The following FSTL5 variants were observed in gnomAD, a reference collection of about 807,000 sequenced individuals.
FSTL5 encodes the protein follistatin like 5.
FSTL5 carries 62 observed loss-of-function variants against 89.1 expected under a neutral mutation model. The ratio of observed to expected loss-of-function variants is 0.70; its 90% CI spans 0.57 to 0.86. The LOEUF (loss-of-function observed/expected upper bound fraction) is 0.86. FSTL5 is among the 40% of genes least tolerant of loss of function. The probability of loss-of-function intolerance (pLI) is 0.00; values close to 1 mark genes in which losing one functional copy is unlikely to be tolerated. For missense variants in FSTL5, 1,057 were observed against 1,001.6 expected, an observed-to-expected ratio of 1.06 and a Z score of -0.75; for synonymous variants, 383 against 346.2, an observed-to-expected ratio of 1.11 and a Z score of -1.18.
At chr4:161,521,614 C>T (rs1020027755) in intron 10 of FSTL5, among the ~76,000 whole-genome samples, 1 of 151,742 alleles carries the variant, frequency 6.6e-6, no homozygotes, top group Non-Finnish European at 1.5e-5. Context: ...TTTGAGAAGC[C>T]GAGGCGGGCA....
chr4:161,784,048 G>T (rs1741792851), intron 4 of FSTL5, among the ~76,000 whole-genome samples: 1 of 151,618 alleles, frequency 6.6e-6, no homozygotes, highest in African/African-American at 2.4e-5. Context: ...CTATTCCCCT[G>T]CCTCAGCCTC....
intron 1 of FSTL5, among the ~76,000 whole-genome samples, chr4:162,137,530 C>T (rs982180931): frequency 6.6e-5 from 10 of 152,078 alleles, no homozygotes; most frequent in Admixed American, 6.6e-4. Context: ...CCCCTCACTA[C>T]AGGATTTCTT....
intron 3 of FSTL5, among the ~76,000 whole-genome samples, chr4:161,960,296 A>G (rs1735141655): frequency 6.6e-6 from 1 of 151,086 alleles, no homozygotes; most frequent in Non-Finnish European, 1.5e-5. Context: ...TCTTCCAAGT[A>G]GCTAGGATTA....
intron 1 of FSTL5, among the ~76,000 whole-genome samples, chr4:162,113,781 A>G (rs1731535760): frequency 6.6e-6 from 1 of 152,058 alleles, no homozygotes; most frequent in African/African-American, 2.4e-5. Context: ...CACATCAGAC[A>G]TTTCTCTCAA....
chr4:161,663,479 A>G (rs553375691), intron 6 of FSTL5, among the ~76,000 whole-genome samples: 31 of 152,266 alleles, frequency 2.0e-4, no homozygotes, highest in African/African-American at 7.0e-4. Flanking sequence ...CACATTTTAA[A>G]GCTCCAAAAT....
At chr4:162,054,754 A>G (rs1265170007) in intron 2 of FSTL5, among the ~76,000 whole-genome samples, 1 of 151,764 alleles carries the variant, frequency 6.6e-6, no homozygotes, top group African/African-American at 2.4e-5. Flanking sequence ...TTGAAGACAA[A>G]GGAGTATCTT....
chr4:161,892,276 T>G (rs1428473956), intron 4 of FSTL5, among the ~76,000 whole-genome samples: 1 of 151,998 alleles, frequency 6.6e-6, no homozygotes, highest in Admixed American at 6.6e-5. Context: ...CCCTTCTTAG[T>G]GACAGTCCCA....
At chr4:161,837,975 G>A (rs1469005504) in intron 4 of FSTL5, among the ~76,000 whole-genome samples, 1 of 151,946 alleles carries the variant, frequency 6.6e-6, no homozygotes, top group East Asian at 1.9e-4. Context: ...TTGACTTAAC[G>A]GGCTTCTATG....
intron 4 of FSTL5, among the ~76,000 whole-genome samples, chr4:161,911,693 G>C (rs1362617947): frequency 6.6e-6 from 1 of 152,100 alleles, no homozygotes; most frequent in Non-Finnish European, 1.5e-5. Flanking sequence ...ATAATTTCTA[G>C]CTAGATGATA....
chr4:161,503,215 TCA>T (rs1730362018), intron 11 of FSTL5, among the ~76,000 whole-genome samples: 1 of 151,802 alleles, frequency 6.6e-6, no homozygotes, highest in Admixed American at 6.6e-5. Flanking sequence ...GCAGAGTAAC[TCA>T]CACACAGCAA....
At chr4:161,743,593 G>T (rs557622043) in intron 6 of FSTL5, among the ~76,000 whole-genome samples, 1 of 151,930 alleles carries the variant, frequency 6.6e-6, no homozygotes, top group African/African-American at 2.4e-5. Flanking sequence ...AACACTATTA[G>T]GATATTGATA....
chr4:161,419,607 AAT>A (rs1731913253), intron 15 of FSTL5, among the ~76,000 whole-genome samples: 3 of 152,156 alleles, frequency 2.0e-5, no homozygotes, highest in Admixed American at 6.5e-5. Context: ...CACAACCAGT[AAT>A]GACACTTTTC....
In FSTL5 at chr4:161,677,026, G is replaced by C. The variant is rs1054791507; in HGVS notation, c.728-20532C>G. On this transcript the variant is annotated intron_variant, in intron 6 of 15. Transcript: ENST00000306100. ...ATATTTTTACTGAATGAATCTATAT[G>C]TACAATTCCCCTTTCTTTCTTCATG... Among the ~76,000 whole-genome samples, 82 of 151,938 alleles carry C rather than the reference G, an allele frequency of 5.4e-4. 1 individual carries two copies. The highest frequency in any genetic ancestry group is 2.0e-3 in the African/African-American group (81 of 41,506).
chr4:161,965,472 T>G (rs1735296097), intron 3 of FSTL5, among the ~76,000 whole-genome samples: 1 of 152,116 alleles, frequency 6.6e-6, no homozygotes, highest in Non-Finnish European at 1.5e-5. Flanking sequence ...ATGTAATCAT[T>G]TATTCATTTA....
At chr4:162,067,077 C>T (rs1263565993) in intron 2 of FSTL5, among the ~76,000 whole-genome samples, 1 of 152,028 alleles carries the variant, frequency 6.6e-6, no homozygotes, top group Non-Finnish European at 1.5e-5. Context: ...GTTCTGTCAC[C>T]CAGGCTGGAG....
chr4:161,710,822 A>T (rs1272878744), intron 6 of FSTL5, among the ~76,000 whole-genome samples: 1 of 152,214 alleles, frequency 6.6e-6, no homozygotes, highest in East Asian at 1.9e-4. Context: ...GCCTTAGAAC[A>T]ATCAATAACT....
chr4:162,100,170 A>C (rs1730935312), intron 2 of FSTL5, among the ~76,000 whole-genome samples: 1 of 152,238 alleles, frequency 6.6e-6, no homozygotes, highest in African/African-American at 2.4e-5. Flanking sequence ...AGCAACCAAG[A>C]TGTTCTTCAG....
intron 1 of FSTL5, among the ~76,000 whole-genome samples, chr4:162,137,329 G>C (rs1407282893): frequency 1.3e-5 from 2 of 152,010 alleles, no homozygotes; most frequent in Non-Finnish European, 2.9e-5. Context: ...AAAATCTAAA[G>C]ACTGCCTAGT....
At chr4:161,732,436 T>G (rs1248937860) in intron 6 of FSTL5, among the ~76,000 whole-genome samples, 1 of 152,038 alleles carries the variant, frequency 6.6e-6, no homozygotes, top group Non-Finnish European at 1.5e-5. Flanking sequence ...TGTGTTCTCA[T>G]TCTATGGGGG....
Sources: allele counts gnomAD v4.1 joint callset (sites outside exome capture counted in the v4.1 genomes callset), GRCh38; gene constraint gnomAD v4.1.1; transcripts MANE v1.5; gene names NCBI Gene and HGNC (gene_info 2026-07-23, HGNC 2026-07-21).